SNX13: variants seen among roughly 807,000 people sequenced by gnomAD.
The protein encoded by SNX13 is sorting nexin-13.
A neutral mutation model predicts 133.6 loss-of-function variants in SNX13; 45 were observed. That is an observed-to-expected ratio of 0.34 (90% CI 0.27 to 0.43). The LOEUF (loss-of-function observed/expected upper bound fraction) is 0.43. Among genes scored for constraint, SNX13 ranks in the 20% least tolerant of loss-of-function variants. The pLI, the probability that SNX13 is intolerant of heterozygous loss-of-function variation, is 1.00. For synonymous variants in SNX13, 414 were observed against 373.9 expected, an observed-to-expected ratio of 1.11 and a Z score of -1.24; for missense variants, 1,032 against 1,145.1, an observed-to-expected ratio of 0.90 and a Z score of 1.43.
chr7:17,805,211 T>TGTGTGTGTGTGTGTGTGTGTG (rs756302031), intron 20 of SNX13, among the ~76,000 whole-genome samples: 3 of 118,492 alleles, frequency 2.5e-5, no homozygotes, highest in African/African-American at 1.0e-4. Flanking sequence ...TAATGATTCT[T>TGTGTGTGTGTGTGTGTGTGTG]TGTGTGTGTG....
At chr7:17,843,750 A>G (rs1790172949) in intron 12 of SNX13, among the ~76,000 whole-genome samples, 2 of 152,042 alleles carry the variant, frequency 1.3e-5, no homozygotes, top group South Asian at 4.1e-4. Flanking sequence ...AAATTATAAA[A>G]CAATAACAAA....
chr7:17,904,723 T>C (rs1426214232), intron 1 of SNX13, among the ~76,000 whole-genome samples: 1 of 152,190 alleles, frequency 6.6e-6, no homozygotes, highest in Non-Finnish European at 1.5e-5. Context: ...CAGTGCCAAC[T>C]TGAGTCACAG....
intron 1 of SNX13, among the ~76,000 whole-genome samples, chr7:17,898,662 G>T (rs1195215334): frequency 1.3e-5 from 2 of 152,132 alleles, no homozygotes; most frequent in African/African-American, 4.8e-5. Context: ...ATATCACACG[G>T]GGATAAGTGC....
chr7:17,825,666 T>A (rs759201461), intron 17 of SNX13, among the ~76,000 whole-genome samples: 1 of 152,128 alleles, frequency 6.6e-6, no homozygotes, highest in Non-Finnish European at 1.5e-5. Flanking sequence ...TTTGTATATA[T>A]GAAAACTAAT....
At chr7:17,877,045 GAAAAAAAA>G (rs57618763) in intron 5 of SNX13, among the ~76,000 whole-genome samples, 886 of 60,096 alleles carry the variant, frequency 0.015, 15 homozygotes, top group African/African-American at 0.04. Context: ...GTTACTTTTT[GAAAAAAAA>G]AAAAAAAAAA....
chr7:17,805,919 C>G (rs1300391378), intron 20 of SNX13, among the ~76,000 whole-genome samples: 1 of 152,052 alleles, frequency 6.6e-6, no homozygotes, highest in Non-Finnish European at 1.5e-5. Flanking sequence ...TGTTGGTTAA[C>G]CATGAAAGAG....
At chr7:17,916,397 G>C (rs1407784488) in intron 1 of SNX13, among the ~76,000 whole-genome samples, 1 of 152,056 alleles carries the variant, frequency 6.6e-6, no homozygotes, top group African/African-American at 2.4e-5. Flanking sequence ...GGATAAATAA[G>C]ACTGACGGAT....
At chr7:17,854,989 TA>T (rs545502170) in intron 9 of SNX13, among the ~76,000 whole-genome samples, 3 of 149,782 alleles carry the variant, frequency 2.0e-5, no homozygotes, top group Non-Finnish European at 3.0e-5. Context: ...ATGCAAAAAA[TA>T]AAAAAAAAGG....
chr7:17,909,914 A>T (rs1798788463), intron 1 of SNX13, among the ~76,000 whole-genome samples: 3 of 152,248 alleles, frequency 2.0e-5, no homozygotes, highest in Non-Finnish European at 4.4e-5. Context: ...ACCTATCTTA[A>T]GCCATTTACG....
chr7:17,872,835 G>A (rs994966765), intron 8 of SNX13, among the ~76,000 whole-genome samples: 1 of 152,152 alleles, frequency 6.6e-6, no homozygotes, highest in Non-Finnish European at 1.5e-5. Flanking sequence ...TGTGTAGCTA[G>A]CCTTTCTAAA....
chr7:17,880,122 ATT>A (rs1405218999), intron 5 of SNX13: 5 of 152,208 alleles, frequency 3.3e-5, no homozygotes, highest in Admixed American at 1.3e-4. Flanking sequence ...GCTGAGTGGT[ATT>A]AACATGACCT....
At chr7:17,928,568 T>A (rs777657403) in intron 1 of SNX13, among the ~76,000 whole-genome samples, 6 of 152,158 alleles carry the variant, frequency 3.9e-5, no homozygotes, top group Non-Finnish European at 8.8e-5. Context: ...ATGGGCAAAA[T>A]TCTGCACATA....
rs114387860 is a variant in SNX13, at chr7:17,926,677, G to A, written c.12+13607C>T. 6.2e-4 allele frequency among the ~76,000 whole-genome samples: 95 copies of A among 152,024 alleles called. 1 individual carries two copies. The highest frequency in any genetic ancestry group is 5.5e-3 in the Admixed American group (84 of 15,264). Reference sequence around the variant, plus strand: ...GAGGTGGATGGATTACTTTGAGCTCGGGAGTTTGAGATCAGCCTAAGCAAC... The same window carrying A: ...GAGGTGGATGGATTACTTTGAGCTCAGGAGTTTGAGATCAGCCTAAGCAAC... On this transcript the variant is annotated intron_variant, in intron 1 of 25. Transcript: ENST00000428135.
At chr7:17,898,639 T>C (rs1340845145) in intron 1 of SNX13, among the ~76,000 whole-genome samples, 6 of 152,090 alleles carry the variant, frequency 3.9e-5, no homozygotes, top group Non-Finnish European at 5.9e-5. Context: ...GAAAATTAAG[T>C]AAATATATAG....
intron 13 of SNX13, among the ~76,000 whole-genome samples, chr7:17,836,014 G>A (rs902375067): frequency 2.0e-5 from 3 of 151,900 alleles, no homozygotes; most frequent in African/African-American, 7.3e-5. Context: ...TGCCCTCTAA[G>A]CTCACTAAAC....
At chr7:17,915,112 A>G (rs1254437281) in intron 1 of SNX13, among the ~76,000 whole-genome samples, 1 of 152,206 alleles carries the variant, frequency 6.6e-6, no homozygotes, top group African/African-American at 2.4e-5. Flanking sequence ...AAAAACACTA[A>G]AAAAGGACAA....
intron 5 of SNX13, among the ~76,000 whole-genome samples, chr7:17,886,959 TC>T (rs1796069604): frequency 8.8e-6 from 1 of 113,226 alleles, no homozygotes; most frequent in Non-Finnish European, 1.8e-5. Context: ...CCTCTCCACC[TC>T]CCTTGCTCTA....
intron 1 of SNX13, among the ~76,000 whole-genome samples, chr7:17,910,783 G>C (rs1798883963): frequency 6.6e-6 from 1 of 152,166 alleles, no homozygotes; most frequent in African/African-American, 2.4e-5. Context: ...TTAAATGAAA[G>C]AAGCCAGACA....
At chr7:17,893,455 A>C in intron 2 of SNX13, 21 bp from the exon 3 acceptor site, 1 of 1,430,480 alleles carries the variant, frequency 7.0e-7, no homozygotes. Context: ...AAATTTAATC[A>C]CAAATATAAA....
Sources: gnomAD v4.1 joint callset for allele counts (sites outside exome capture counted in the v4.1 genomes callset) on GRCh38, gnomAD v4.1.1 for gene constraint, MANE v1.5 for transcripts, NCBI Gene and HGNC (gene_info 2026-07-23, HGNC 2026-07-21) for gene names.